Variants in DHX34 observed in about 807,000 individuals in gnomAD.
DHX34 encodes DExH-box helicase 34, also known as probable ATP-dependent RNA helicase DHX34.
A neutral mutation model predicts 111.1 loss-of-function variants in DHX34; 96 were observed. That is an observed-to-expected ratio of 0.86 (90% CI 0.73 to 1.02). The LOEUF (loss-of-function observed/expected upper bound fraction) is 1.02. Ranked by LOEUF, DHX34 falls within the 50% of genes least tolerant of loss-of-function variation. The probability of loss-of-function intolerance (pLI) is 0.00; values close to 1 mark genes in which losing one functional copy is unlikely to be tolerated. For missense variants in DHX34, 1,560 were observed against 1,579.9 expected (o/e 0.99, Z 0.21); for synonymous variants, 688 against 670.4 (o/e 1.03, Z -0.41).
chr19:47,359,640 G>A (rs534096343), intron 4 of DHX34, among the ~76,000 whole-genome samples: 10 of 152,110 alleles, frequency 6.6e-5, no homozygotes, highest in Admixed American at 6.6e-4. Context: ...AAATTAGCCG[G>A]GCATGGTGGC....
chr19:47,360,103 C>T (rs1170350408), intron 5 of DHX34, 33 bp downstream of exon 5: 7 of 1,607,364 alleles, frequency 4.4e-6, no homozygotes, highest in Non-Finnish European at 6.0e-6. Context: ...ACCCACCACC[C>T]CCAAGGACTT....
In DHX34 at chr19:47,367,287, C is replaced by T. The variant is rs1226259915; in HGVS notation, c.1768+132C>T. ...GTTCATTTATTCACTCTTCACTGGGCCAGGCACTGTTCTAGGTGCTGGGCA... is the reference window on the plus strand; with the variant it reads ...GTTCATTTATTCACTCTTCACTGGGTCAGGCACTGTTCTAGGTGCTGGGCA... On this transcript the variant is annotated intron_variant, in intron 7 of 16. Coordinates refer to ENST00000328771, the MANE Select transcript of DHX34 (RefSeq NM_014681.6). 4 of 1,012,318 alleles carry T rather than the reference C, an allele frequency of 4.0e-6. No individual in the cohort carries two copies. In the East Asian group the frequency reaches 1.3e-4, roughly 32 times the overall value. The allele number at this position is 1,012,318 out of a possible 1,614,324, so 62.7% of individuals were successfully genotyped here. A position where few individuals can be genotyped will look rare whatever the true frequency, so the allele number is the denominator to read the frequency against.
At position 47,353,272 on chromosome 19, in the gene DHX34, A is replaced by G. The variant is rs1282128473; in HGVS notation, c.242A>G (p.Lys81Arg). 2 of 1,614,144 alleles carry G rather than the reference A, an allele frequency of 1.2e-6. No individual in the cohort carries two copies. The highest frequency in any genetic ancestry group is 1.7e-6 in the Non-Finnish European group (2 of 1,180,010). Residue 81 changes from lysine (K) to arginine (R), a missense_variant, in exon 2 of 17, where the codon AAA becomes AGA. Transcript: ENST00000328771. The surrounding 1 kb of genome is among the most constrained non-coding windows in gnomAD (Gnocchi z 4.6). Reference sequence around the variant, plus strand: ...CTCAAGACCTCCAGGAAGGAGGAGAAAGACCCTGGACAGCCCAAGCACAGC... The same window carrying G: ...CTCAAGACCTCCAGGAAGGAGGAGAGAGACCCTGGACAGCCCAAGCACAGC... ...QNLKTSRKEE[K>R]DPGQPKHSIP...
intron 7 of DHX34, among the ~76,000 whole-genome samples, chr19:47,368,044 G>C (rs559039290): frequency 6.6e-6 from 1 of 151,182 alleles, no homozygotes; most frequent in Non-Finnish European, 1.5e-5. Flanking sequence ...TTTACCATAC[G>C]ACGTCTTGGA....
chr19:47,355,249 A>C lies in DHX34; in HGVS notation c.916A>C (p.Lys306Gln), dbSNP rs762660554. ...QRLLPTRPDL[K>Q]VILMSATINI... ...CCTGTTGCCCACGCGGCCTGACCTC[A>C]AGGTCATCCTCATGTCGGCCACCAT... is the stretch of plus-strand genomic sequence containing the variant. Residue 306 changes from lysine to glutamine, a missense_variant, in exon 3 of 17, where the codon AAG (lysine) becomes CAG (glutamine). By Grantham distance (53) the Lys-to-Gln change is moderately conservative. Coordinates refer to ENST00000328771, the MANE Select transcript of DHX34 (RefSeq NM_014681.6). The C allele has an allele frequency of 2.5e-6, 4 of 1,614,100 alleles. No homozygotes were observed. The East Asian group carries it at 8.9e-5, about 36-fold the overall frequency.
At chr19:47,371,475 C>T (rs1303008808) in intron 7 of DHX34, among the ~76,000 whole-genome samples, 1 of 152,194 alleles carries the variant, frequency 6.6e-6, no homozygotes, top group Non-Finnish European at 1.5e-5. Context: ...AGCAGCGTCA[C>T]GGCGAGGTGG....
chr19:47,382,612 A>C lies in DHX34; in HGVS notation c.*499A>C, dbSNP rs1970404859. 1 of 153,882 alleles carries C rather than the reference A, an allele frequency of 6.5e-6. No homozygotes were observed. Among genetic ancestry groups the C allele is most frequent in the Admixed American group, 6.5e-5 (1 of 15,372 alleles). 9.5% of individuals were successfully genotyped at this position (153,882 alleles called of 1,614,324 possible). The stretch of plus-strand genomic sequence containing the variant: ...TTCACGTGGGACCACAGGCTGCACC[A>C]TAAGACCCACTCACAATAAAAAAAT... On this transcript the variant is annotated 3_prime_UTR_variant, in exon 17 of 17. Transcript: ENST00000328771.
chr19:47,376,931 G>A, intron 12 of DHX34, 169 bp from the exon 13 acceptor site: 1 of 1,537,308 alleles, frequency 6.5e-7, no homozygotes, highest in Non-Finnish European at 8.7e-7. Context: ...CTGCGTGCTG[G>A]GAGTCACATT....
At chr19:47,369,634 A>G in intron 7 of DHX34, among the ~76,000 whole-genome samples, 1 of 152,198 alleles carries the variant, frequency 6.6e-6, no homozygotes, top group Non-Finnish European at 1.5e-5. Context: ...GATGCAGGGC[A>G]CGGTGGGCAC....
chr19:47,375,499 G>GC lies in DHX34; in HGVS notation c.2101dup (p.Gln701ProfsTer51). ...GGAGGACCACGGGCTGCTGGCTGGG[G>GC]CCCAGGCCGCGCAGGTAGGGGACAG... On this transcript the variant is annotated frameshift_variant, in exon 10 of 17. Transcript: ENST00000328771. LOFTEE classifies it high-confidence loss of function. 6.3e-7 allele frequency: 1 copy of GC among 1,576,094 alleles called. No individual in the cohort carries two copies. The highest frequency in any genetic ancestry group is 1.1e-5 in the South Asian group (1 of 87,322).
At position 47,381,325 on chromosome 19, in the gene DHX34, G is replaced by C. The variant is rs758021238; in HGVS notation, c.3298+1G>C. 1.2e-6 allele frequency: 2 copies of C among 1,612,996 alleles called. No homozygotes were observed. The highest frequency in any genetic ancestry group is 1.7e-5 in the Admixed American group (1 of 59,926). On this transcript the variant is annotated splice_donor_variant, in intron 16 of 16. Coordinates refer to ENST00000328771, the MANE Select transcript of DHX34 (RefSeq NM_014681.6). LOFTEE classifies it high-confidence loss of function. ...CAGGCCCCACAGGATGGGCCCCCAG[G>C]TAAGCACAGGACTGTGGGGACCCGG...
chr19:47,359,739 G>A (rs1969567433), intron 4 of DHX34: 8 of 568,822 alleles, frequency 1.4e-5, no homozygotes, highest in African/African-American at 2.0e-5. Context: ...CCGAGATCAC[G>A]CCACTGCACT....
Position 47,376,115 on chromosome 19 carries a change from C to T in DHX34, c.2481+18C>T, listed in dbSNP as rs780811458. On this transcript the variant is annotated intron_variant, in intron 11 of 16. Transcript: ENST00000328771. ...CAGACCAGGTGGGGCCTGTTCTGCC[C>T]CATCCTATGTTTTGTCCTCCAACAC... The T allele has an allele frequency of 6.5e-7, 1 of 1,535,126 alleles. No homozygotes were observed. The highest frequency in any genetic ancestry group is 1.2e-5 in the South Asian group (1 of 80,184).
chr19:47,369,301 C>G (rs1969896345), intron 7 of DHX34, among the ~76,000 whole-genome samples: 1 of 152,168 alleles, frequency 6.6e-6, no homozygotes, highest in South Asian at 2.1e-4. Context: ...GCCACTGCGC[C>G]CGGCCAATAT....
At chr19:47,363,420 C>T (rs1282094433) in intron 6 of DHX34, among the ~76,000 whole-genome samples, 1 of 152,050 alleles carries the variant, frequency 6.6e-6, no homozygotes, top group Non-Finnish European at 1.5e-5. Context: ...AGGACCCAAC[C>T]CCAGAGTGTC....
In DHX34 at chr19:47,355,294, A is replaced by G. The variant is rs768939810; in HGVS notation, c.961A>G (p.Ser321Gly). 3.1e-6 allele frequency: 5 copies of G among 1,614,062 alleles called. No individual in the cohort carries two copies. In the South Asian group the frequency reaches 5.5e-5, roughly 18 times the overall value. ...CACCATCAACATCTCGCTCTTCTCCAGCTATTTCAGCAATGCCCCTGTGGT... is the reference window on the plus strand; with the variant it reads ...CACCATCAACATCTCGCTCTTCTCCGGCTATTTCAGCAATGCCCCTGTGGT... The part of the protein sequence containing the change: ...SATINISLFS[S>G]YFSNAPVVQV... Residue 321 changes from serine (S) to glycine (G), a missense_variant, in exon 3 of 17, where the codon AGC becomes GGC. Ser to Gly is a moderately conservative substitution (Grantham distance 56). Transcript: ENST00000328771.
chr19:47,372,792 G>T lies in DHX34; in HGVS notation c.1831G>T (p.Ala611Ser), dbSNP rs199807432. ...GGAGCCTGTGCTCACCATCGCAGCCGCACTTAGCGTCCAGTCGCCCTTCAC... is the reference window on the plus strand; with the variant it reads ...GGAGCCTGTGCTCACCATCGCAGCCTCACTTAGCGTCCAGTCGCCCTTCAC... ...LVEPVLTIAAALSVQSPFTRS... is the reference protein window; with the variant it reads ...LVEPVLTIAASLSVQSPFTRS... Residue 611 changes from alanine (A) to serine (S), a missense_variant, in exon 8 of 17, where the codon GCA becomes TCA. Ala to Ser is a moderately conservative substitution (Grantham distance 99, BLOSUM62 1). Coordinates refer to ENST00000328771, the MANE Select transcript of DHX34 (RefSeq NM_014681.6). 8 of 1,612,512 alleles carry T rather than the reference G, an allele frequency of 5.0e-6. No homozygotes were observed. The African/African-American group carries it at 9.3e-5, about 19-fold the overall frequency.
In DHX34 at chr19:47,360,086, A is replaced by T. The variant is rs756189986; in HGVS notation, c.1375+16A>T. 3 of 1,613,044 alleles carry T rather than the reference A, an allele frequency of 1.9e-6. No homozygotes were observed. In the East Asian group the frequency reaches 6.7e-5, roughly 36 times the overall value. On this transcript the variant is annotated intron_variant, in intron 5 of 16. Transcript: ENST00000328771. ...GTAGATTCCGGTAAGGACCACCATGAGCCCCTACCCACCACCCCCAAGGAC... is the reference window on the plus strand; with the variant it reads ...GTAGATTCCGGTAAGGACCACCATGTGCCCCTACCCACCACCCCCAAGGAC...
At chr19:47,363,289 CT>C (rs1189873897) in intron 6 of DHX34, among the ~76,000 whole-genome samples, 5 of 151,932 alleles carry the variant, frequency 3.3e-5, no homozygotes, top group Admixed American at 6.6e-5. Flanking sequence ...TCAGGTCTTG[CT>C]ATGTTGCCCA....
Sources: allele counts gnomAD v4.1 joint callset (sites outside exome capture counted in the v4.1 genomes callset), GRCh38; gene constraint gnomAD v4.1.1; non-coding constraint Gnocchi (gnomAD v3.1); transcripts MANE v1.5; gene names NCBI Gene and HGNC (gene_info 2026-07-23, HGNC 2026-07-21).